Variants in CCDC30 observed in about 807,000 individuals in gnomAD.
The protein encoded by CCDC30 is coiled-coil domain containing 30.
CCDC30 carries 70 observed loss-of-function variants against 100.2 expected under a neutral mutation model. The observed-to-expected ratio is 0.70, with a 90% CI of 0.58 to 0.85. CCDC30 has a LOEUF of 0.85. CCDC30 is among the 40% of genes least tolerant of loss of function. The probability of loss-of-function intolerance (pLI) is 0.00; values close to 1 mark genes in which losing one functional copy is unlikely to be tolerated. For missense variants in CCDC30, 652 were observed against 771.2 expected (o/e 0.85, Z 1.83); for synonymous variants, 233 against 269.5 (o/e 0.86, Z 1.33).
chr1:42,565,676 C>T (rs908848640), intron 6 of CCDC30, among the ~76,000 whole-genome samples: 10 of 152,082 alleles, frequency 6.6e-5, no homozygotes, highest in Admixed American at 2.0e-4. Flanking sequence ...CTAGCAATTC[C>T]GCTTCCAGGT....
In CCDC30 at chr1:42,491,505, G is replaced by A. The variant is rs573373877; in HGVS notation, c.241+1276G>A. 7.2e-3 allele frequency among the ~76,000 whole-genome samples: 785 copies of A among 109,472 alleles called. 8 individuals carry two copies. Among genetic ancestry groups the A allele is most frequent in the African/African-American group, 0.025 (758 of 30,668 alleles). 71.8% of individuals were successfully genotyped at this position (109,472 alleles called of 152,430 possible). A position where few individuals can be genotyped will look rare whatever the true frequency, so the allele number is the denominator to read the frequency against. On this transcript the variant is annotated intron_variant, in intron 4 of 16. Coordinates refer to ENST00000668663, the Ensembl canonical transcript of CCDC30. ...GTGGGAGGTGGGGAATGGTTAATGG[G>A]TAAAAAAAAAAAAAGAAAGAATAAG... is the stretch of plus-strand genomic sequence containing the variant.
intron 3 of CCDC30, among the ~76,000 whole-genome samples, chr1:42,488,722 A>G (rs956516363): frequency 6.6e-6 from 1 of 152,224 alleles, no homozygotes; most frequent in Non-Finnish European, 1.5e-5. Context: ...ATATTTCACT[A>G]TGTGTGCTAT....
At chr1:42,654,033 A>C in exon 17 of CCDC30, 1 of 1,606,168 alleles carries the variant, frequency 6.2e-7, no homozygotes, top group African/African-American at 1.3e-5. Context: ...CTATAAAATC[A>C]CTGGTGCCTA....
chr1:42,636,965 CAAAAAA>C (rs1166253995), intron 11 of CCDC30, among the ~76,000 whole-genome samples: 7 of 29,508 alleles, frequency 2.4e-4, no homozygotes, highest in Admixed American at 6.9e-4. Context: ...GACTCCATCT[CAAAAAA>C]AAAAAAAAAA....
At chr1:42,460,947 C>T (rs552815572), upstream of CCDC30, among the ~76,000 whole-genome samples, 14 of 152,332 alleles carry the variant, frequency 9.2e-5, 1 homozygote, top group African/African-American at 3.4e-4. Context: ...ATCTTTGAAT[C>T]CTTGAGAATC....
Position 42,467,101 on chromosome 1 carries a change from C to T in CCDC30, c.-92+3203C>T, listed in dbSNP as rs112825013. On this transcript the variant is annotated intron_variant, in intron 1 of 16. Transcript: ENST00000668663. Reference sequence around the variant, plus strand: ...AGCATGATAGGGACCAATAAGTATACTGACATGAATGGCTAATGTCAAGGT... The same window carrying T: ...AGCATGATAGGGACCAATAAGTATATTGACATGAATGGCTAATGTCAAGGT... Among the ~76,000 whole-genome samples the T allele has an allele frequency of 6.0e-3, 919 of 152,220 alleles. 6 individuals carry two copies. Among genetic ancestry groups the T allele is most frequent in the African/African-American group, 0.021 (857 of 41,526 alleles).
chr1:42,656,055 A>C (rs77070875), downstream of CCDC30, among the ~76,000 whole-genome samples: 14,963 of 151,466 alleles, frequency 0.099, 971 homozygotes, highest in East Asian at 0.3. Context: ...TGTAAAGACG[A>C]GGTCTCACTC....
Position 42,581,376 on chromosome 1 carries a change from G to A in CCDC30, c.863G>A (p.Arg288Gln), listed in dbSNP as rs140773357. 31 of 1,601,436 alleles carry A rather than the reference G, an allele frequency of 1.9e-5. No individual in the cohort carries two copies. Among genetic ancestry groups the A allele is most frequent in the African/African-American group, 9.5e-5 (7 of 73,886 alleles). Reference sequence around the variant, plus strand: ...TCATTCAAGATTTTGGACCTGCAGCGGAAATTAGAACATGCTCATAAAGTC... The same window carrying A: ...TCATTCAAGATTTTGGACCTGCAGCAGAAATTAGAACATGCTCATAAAGTC... The change falls in exon 9 of 17, where the codon CGG becomes CAG. Residue 288 changes from arginine to glutamine, a missense_variant. Arg to Gln is a conservative substitution (Grantham distance 43). Coordinates refer to ENST00000668663, the Ensembl canonical transcript of CCDC30.
intron 6 of CCDC30, among the ~76,000 whole-genome samples, chr1:42,509,727 A>G (rs888309299): frequency 6.6e-6 from 1 of 152,192 alleles, no homozygotes; most frequent in African/African-American, 2.4e-5. Flanking sequence ...AGAAAGACAC[A>G]CAATGCACAC....
rs1644497345 is a variant in CCDC30, at chr1:42,512,675, T to C, written c.456+13759T>C. Among the ~76,000 whole-genome samples the C allele has an allele frequency of 6.6e-5, 10 of 152,236 alleles. No homozygotes were observed. In the South Asian group the frequency reaches 2.1e-3, roughly 32 times the overall value. ...GGAGATCCTTTTTGCCAACACCCAG[T>C]CAAGCAGTCAGAGGCTGGGATTAGT... On this transcript the variant is annotated intron_variant, in intron 6 of 16. Coordinates refer to ENST00000668663, the Ensembl canonical transcript of CCDC30.
intron 10 of CCDC30, among the ~76,000 whole-genome samples, chr1:42,602,214 T>C (rs1290822860): frequency 2.0e-5 from 3 of 147,620 alleles, no homozygotes; most frequent in Non-Finnish European, 4.4e-5. Flanking sequence ...CAAAGTAAGC[T>C]GAAAAAAAAA....
At chr1:42,632,423 T>C (rs896654449) in intron 11 of CCDC30, among the ~76,000 whole-genome samples, 153 of 151,654 alleles carry the variant, frequency 1.0e-3, no homozygotes, top group African/African-American at 3.3e-3. Flanking sequence ...GCCAAGATCA[T>C]GTCACTGTAC....
At chr1:42,613,577 G>C (rs1646668288) in intron 11 of CCDC30, among the ~76,000 whole-genome samples, 2 of 152,246 alleles carry the variant, frequency 1.3e-5, no homozygotes, top group Admixed American at 1.3e-4. Context: ...TCTGGGAAGG[G>C]GACAGGAATT....
chr1:42,496,737 G>A (rs952452315), intron 4 of CCDC30, among the ~76,000 whole-genome samples: 4 of 152,136 alleles, frequency 2.6e-5, no homozygotes, highest in African/African-American at 9.7e-5. Flanking sequence ...AGACAGGACT[G>A]AAAGGCATTT....
At chr1:42,627,963 C>T (rs370202665) in intron 11 of CCDC30, among the ~76,000 whole-genome samples, 11 of 152,316 alleles carry the variant, frequency 7.2e-5, no homozygotes, top group African/African-American at 2.2e-4. Flanking sequence ...GGGCCACCAT[C>T]CTCCAGAACC....
At chr1:42,639,966 CAAA>C (rs71065187) in intron 12 of CCDC30, among the ~76,000 whole-genome samples, 7 of 121,016 alleles carry the variant, frequency 5.8e-5, no homozygotes, top group Non-Finnish European at 5.3e-5. Flanking sequence ...AACTTCGTCT[CAAA>C]AAAAAAAAAA....
At chr1:42,614,408 G>A (rs543064263) in intron 11 of CCDC30, among the ~76,000 whole-genome samples, 34 of 151,956 alleles carry the variant, frequency 2.2e-4, no homozygotes, top group Admixed American at 1.4e-3. Context: ...TATAATTTGC[G>A]TATAATAAAT....
At chr1:42,528,713 G>C (rs1041884478) in intron 6 of CCDC30, among the ~76,000 whole-genome samples, 1 of 152,158 alleles carries the variant, frequency 6.6e-6, no homozygotes, top group African/African-American at 2.4e-5. Flanking sequence ...AGGCTACCTG[G>C]GAAGAGAAGC....
chr1:42,465,441 T>C (rs974798587), intron 1 of CCDC30, among the ~76,000 whole-genome samples: 3 of 152,192 alleles, frequency 2.0e-5, no homozygotes, highest in African/African-American at 7.2e-5. Context: ...CTTGGCCCAC[T>C]GCAACCTCCG....
Sources: allele counts gnomAD v4.1 joint callset (sites outside exome capture counted in the v4.1 genomes callset), GRCh38; gene constraint gnomAD v4.1.1; transcripts MANE v1.5; gene names NCBI Gene and HGNC (gene_info 2026-07-23, HGNC 2026-07-21).